The following PARD3 variants were observed in gnomAD, a reference collection of about 807,000 sequenced individuals.
PARD3 encodes the protein par-3 family cell polarity regulator.
Under a neutral mutation model 155.4 loss-of-function variants are expected in PARD3, and 75 were observed. That is an observed-to-expected ratio of 0.48 (90% CI 0.40 to 0.58). PARD3 has a LOEUF of 0.58. Among genes scored for constraint, PARD3 ranks in the 20% least tolerant of loss-of-function variants. The pLI, the probability that PARD3 is intolerant of heterozygous loss-of-function variation, is 0.00. For missense variants in PARD3, 1,642 were observed against 1,721.7 expected (o/e 0.95, Z 0.82); for synonymous variants, 576 against 610.5 (o/e 0.94, Z 0.83).
At chr10:34,265,434 T>C (rs1028465723) in intron 22 of PARD3, among the ~76,000 whole-genome samples, 21 of 152,208 alleles carry the variant, frequency 1.4e-4, no homozygotes, top group African/African-American at 4.1e-4. Flanking sequence ...CAGTGAAATG[T>C]AGAACACTGC....
intron 2 of PARD3, among the ~76,000 whole-genome samples, chr10:34,634,268 T>C (rs1478586154): frequency 6.6e-6 from 1 of 152,156 alleles, no homozygotes; most frequent in African/African-American, 2.4e-5. Context: ...TCAATCTACA[T>C]TTGCTGATGC....
At chr10:34,183,466 G>C (rs1950353317) in intron 22 of PARD3, among the ~76,000 whole-genome samples, 1 of 152,204 alleles carries the variant, frequency 6.6e-6, no homozygotes, top group Non-Finnish European at 1.5e-5. Context: ...AAGGCAGCTT[G>C]AAGAGCCAGG....
intron 1 of PARD3, among the ~76,000 whole-genome samples, chr10:34,769,791 CA>C: frequency 3.6e-5 from 1 of 27,764 alleles, no homozygotes; most frequent in East Asian, 2.0e-3. Flanking sequence ...AACAAACGAA[CA>C]AAAAAACAAA....
intron 5 of PARD3, among the ~76,000 whole-genome samples, chr10:34,444,919 A>G (rs905705459): frequency 4.6e-5 from 7 of 152,230 alleles, no homozygotes; most frequent in African/African-American, 1.2e-4. Flanking sequence ...AGAGATAAGC[A>G]TTAAGTAGAA....
At chr10:34,233,940 C>T (rs1347254332) in intron 22 of PARD3, among the ~76,000 whole-genome samples, 4 of 152,106 alleles carry the variant, frequency 2.6e-5, no homozygotes, top group Admixed American at 6.5e-5. Context: ...GTTATTATCT[C>T]CAGTTACCCT....
intron 2 of PARD3, among the ~76,000 whole-genome samples, chr10:34,573,687 A>G (rs927612300): frequency 6.6e-6 from 1 of 151,936 alleles, no homozygotes; most frequent in Non-Finnish European, 1.5e-5. Context: ...AGCCTGGGTG[A>G]GAGAACGAGA....
At chr10:34,385,205 T>C (rs1842231316) in intron 7 of PARD3, among the ~76,000 whole-genome samples, 2 of 152,108 alleles carry the variant, frequency 1.3e-5, no homozygotes, top group African/African-American at 4.8e-5. Flanking sequence ...ATGATCTTGG[T>C]TCATTGCAAC....
At chr10:34,518,920 G>C (rs778552821) in intron 2 of PARD3, among the ~76,000 whole-genome samples, 73 of 152,280 alleles carry the variant, frequency 4.8e-4, no homozygotes, top group Middle Eastern at 6.8e-3. Flanking sequence ...CTGTACCCAG[G>C]TTAACGTCAT....
intron 14 of PARD3, among the ~76,000 whole-genome samples, chr10:34,356,051 G>A (rs144615824): frequency 2.0e-5 from 3 of 152,048 alleles, no homozygotes; most frequent in Admixed American, 6.5e-5. Context: ...GAGAAGACCC[G>A]GAGTAGGGTA....
intron 5 of PARD3, among the ~76,000 whole-genome samples, chr10:34,424,636 T>A (rs752914917): frequency 6.6e-6 from 1 of 152,098 alleles, no homozygotes. Context: ...TTTCTCAGCC[T>A]CAGCAGAGGC....
intron 22 of PARD3, among the ~76,000 whole-genome samples, chr10:34,193,789 C>A (rs1950818800): frequency 6.6e-6 from 1 of 152,130 alleles, no homozygotes; most frequent in South Asian, 2.1e-4. Flanking sequence ...GCTGGAGGAC[C>A]AGCGTGGGCC....
Position 34,765,425 on chromosome 10 carries a change from C to T in PARD3, c.120+49451G>A, listed in dbSNP as rs551304131. ...AGGTGCAGTGGCTCACACCTGTAAT[C>T]CCAGCACTTTGGGAGGCTGAGGCGG... On this transcript the variant is annotated intron_variant, in intron 1 of 24. Transcript: ENST00000374788. 3.3e-5 allele frequency among the ~76,000 whole-genome samples: 5 copies of T among 152,222 alleles called. No individual in the cohort carries two copies. In the East Asian group the frequency reaches 9.7e-4, roughly 29 times the overall value.
chr10:34,755,871 C>T (rs1836646722), intron 1 of PARD3, among the ~76,000 whole-genome samples: 2 of 152,098 alleles, frequency 1.3e-5, no homozygotes, highest in African/African-American at 4.8e-5. Context: ...AGGCCCAAGA[C>T]AGGCTGTGCT....
At chr10:34,709,896 C>G (rs759690425) in intron 1 of PARD3, among the ~76,000 whole-genome samples, 1 of 152,030 alleles carries the variant, frequency 6.6e-6, no homozygotes, top group Non-Finnish European at 1.5e-5. Flanking sequence ...AATTGGGAAA[C>G]CAAATTAATT....
chr10:34,440,613 C>A (rs982810621), intron 5 of PARD3, among the ~76,000 whole-genome samples: 2 of 152,152 alleles, frequency 1.3e-5, no homozygotes, highest in African/African-American at 2.4e-5. Context: ...AATCCACACA[C>A]CACCAAAGAT....
intron 3 of PARD3, among the ~76,000 whole-genome samples, chr10:34,493,933 C>A (rs1332293929): frequency 6.6e-6 from 1 of 152,120 alleles, no homozygotes; most frequent in Non-Finnish European, 1.5e-5. Context: ...CATCTCATCC[C>A]AACTCAACAT....
chr10:34,665,243 A>G (rs939593622), intron 2 of PARD3, among the ~76,000 whole-genome samples: 2 of 152,066 alleles, frequency 1.3e-5, no homozygotes, highest in East Asian at 1.9e-4. Context: ...GGCTGGGCGC[A>G]CCTCATGCCT....
At chr10:34,345,463 A>G (rs905004237) in intron 15 of PARD3, 1 of 984,840 alleles carries the variant, frequency 1.0e-6, no homozygotes, top group African/African-American at 1.7e-5. Context: ...GTATCATAGC[A>G]GATCATGAAG....
chr10:34,680,930 C>T (rs1488518721), intron 2 of PARD3, among the ~76,000 whole-genome samples: 4 of 149,434 alleles, frequency 2.7e-5, no homozygotes, highest in Non-Finnish European at 5.9e-5. Context: ...CACATGTATA[C>T]ATATGTAACT....
Sources: allele counts gnomAD v4.1 joint callset (sites outside exome capture counted in the v4.1 genomes callset), GRCh38; gene constraint gnomAD v4.1.1; transcripts MANE v1.5; gene names NCBI Gene and HGNC (gene_info 2026-07-23, HGNC 2026-07-21).